The following DSTN variants were observed in gnomAD, a reference collection of about 807,000 sequenced individuals.
The protein encoded by DSTN is destrin.
DSTN carries 10 observed loss-of-function variants against 16.8 expected under a neutral mutation model. That is an observed-to-expected ratio of 0.60 (90% CI 0.37 to 1.01). The LOEUF (loss-of-function observed/expected upper bound fraction) is 1.01. DSTN is among the 50% of genes least tolerant of loss of function. The probability of loss-of-function intolerance (pLI) is 0.01; values close to 1 mark genes in which losing one functional copy is unlikely to be tolerated. For synonymous variants in DSTN, 57 were observed against 58.9 expected, an observed-to-expected ratio of 0.97 and a Z score of 0.14; for missense variants, 141 against 196.7, an observed-to-expected ratio of 0.72 and a Z score of 1.69.
intron 1 of DSTN, among the ~76,000 whole-genome samples, chr20:17,570,674 T>G (rs991407734): frequency 2.0e-5 from 3 of 152,236 alleles, no homozygotes; most frequent in Non-Finnish European, 2.9e-5. Flanking sequence ...TTGTGCGCGT[T>G]CCAGCCCTTG....
chr20:17,588,849 G>A (rs569524280), intron 1 of DSTN, among the ~76,000 whole-genome samples: 4 of 152,256 alleles, frequency 2.6e-5, no homozygotes, highest in Non-Finnish European at 5.9e-5. Flanking sequence ...CTAGAACAGT[G>A]GGACAAAGGA....
chr20:17,571,555 T>A (rs2035207537), intron 1 of DSTN, among the ~76,000 whole-genome samples: 1 of 152,200 alleles, frequency 6.6e-6, no homozygotes, highest in South Asian at 2.1e-4. Flanking sequence ...TTATTAGAAA[T>A]TTAATAACAT....
At chr20:17,586,848 T>C (rs1425374051) in intron 1 of DSTN, among the ~76,000 whole-genome samples, 1 of 152,206 alleles carries the variant, frequency 6.6e-6, no homozygotes, top group Admixed American at 6.5e-5. Context: ...ATAATTCACA[T>C]TTTACAGATG....
chr20:17,584,520 C>T (rs765609601), intron 1 of DSTN, among the ~76,000 whole-genome samples: 1 of 151,924 alleles, frequency 6.6e-6, no homozygotes, highest in Non-Finnish European at 1.5e-5. Context: ...GGCGTGTTGG[C>T]GCATGCCTGT....
At chr20:17,606,175 G>C (rs1326141230) in intron 3 of DSTN, among the ~76,000 whole-genome samples, 1 of 151,820 alleles carries the variant, frequency 6.6e-6, no homozygotes, top group Non-Finnish European at 1.5e-5. Flanking sequence ...GTCTTTCTCA[G>C]ATCAGTCCTG....
In DSTN at chr20:17,570,084, T is replaced by G; in HGVS notation, c.-125T>G. The G allele has an allele frequency of 7.0e-7, 1 of 1,421,802 alleles. No individual in the cohort carries two copies. The highest frequency in any genetic ancestry group is 9.3e-7 in the Non-Finnish European group (1 of 1,075,678). 88.1% of individuals were successfully genotyped at this position (1,421,802 alleles called of 1,614,324 possible). A position where few individuals can be genotyped will look rare whatever the true frequency, so the allele number is the denominator to read the frequency against. The stretch of plus-strand genomic sequence containing the variant: ...GTCCTGAGGCGCGCCCGCCCCGGGG[T>G]AAGCTCGCGCCGCCGCGTCAGCTCA... On this transcript the variant is annotated 5_prime_UTR_variant, in exon 1 of 4. Transcript: ENST00000246069.
At chr20:17,606,342 A>G (rs574062372) in intron 3 of DSTN, among the ~76,000 whole-genome samples, 1 of 152,208 alleles carries the variant, frequency 6.6e-6, no homozygotes, top group Non-Finnish European at 1.5e-5. Context: ...GCATTGTGGT[A>G]GTGTAATTGT....
At chr20:17,601,161 A>G in intron 2 of DSTN, 116 bp downstream of exon 2, 1 of 1,283,618 alleles carries the variant, frequency 7.8e-7, no homozygotes, top group Non-Finnish European at 1.0e-6. Flanking sequence ...TTGTCATTTA[A>G]TTTTTATTTA....
At chr20:17,596,475 T>C (rs1021700427) in intron 1 of DSTN, among the ~76,000 whole-genome samples, 1 of 152,244 alleles carries the variant, frequency 6.6e-6, no homozygotes, top group African/African-American at 2.4e-5. Flanking sequence ...GTCTAGTCAC[T>C]AATCGAGAGA....
At chr20:17,571,297 G>A (rs929142171) in intron 1 of DSTN, among the ~76,000 whole-genome samples, 8 of 152,236 alleles carry the variant, frequency 5.3e-5, no homozygotes, top group Non-Finnish European at 1.2e-4. Flanking sequence ...CTGTCTAGAA[G>A]CAGTTGGTAC....
Position 17,607,191 on chromosome 20 carries a change from C to A in DSTN, c.*45C>A. The A allele has an allele frequency of 2.6e-6, 4 of 1,563,376 alleles. No individual in the cohort carries two copies. The highest frequency in any genetic ancestry group is 3.5e-6 in the Non-Finnish European group (4 of 1,142,758). On this transcript the variant is annotated 3_prime_UTR_variant, in exon 4 of 4. Coordinates refer to ENST00000246069, the MANE Select transcript of DSTN (RefSeq NM_006870.4). ...TGAAAGCTTCCATGTTTAATGTTAT[C>A]CTCTTGCTATATAAATAAAGCAAAT... is the stretch of plus-strand genomic sequence containing the variant.
At chr20:17,587,629 A>T (rs2035425724) in intron 1 of DSTN, among the ~76,000 whole-genome samples, 2 of 152,016 alleles carry the variant, frequency 1.3e-5, no homozygotes, top group Non-Finnish European at 2.9e-5. Flanking sequence ...CCTTGGAGGC[A>T]TTATTCTTTT....
chr20:17,581,858 G>A (rs1409233510), intron 1 of DSTN, among the ~76,000 whole-genome samples: 1 of 152,128 alleles, frequency 6.6e-6, no homozygotes, highest in African/African-American at 2.4e-5. Context: ...TATAAAAGTA[G>A]TATATATTCA....
chr20:17,589,883 A>T (rs75835288), intron 1 of DSTN, among the ~76,000 whole-genome samples: 3,590 of 152,206 alleles, frequency 0.024, 114 homozygotes, highest in African/African-American at 0.069. Flanking sequence ...TTAGAAAAAA[A>T]TTTTTTAATT....
intron 2 of DSTN, among the ~76,000 whole-genome samples, chr20:17,602,055 G>T (rs2035593354): frequency 6.6e-6 from 1 of 152,060 alleles, no homozygotes; most frequent in African/African-American, 2.4e-5. Context: ...AGTGTAAAAG[G>T]GATATGGGAG....
At chr20:17,582,076 CA>C (rs1221368859) in intron 1 of DSTN, among the ~76,000 whole-genome samples, 2 of 127,194 alleles carry the variant, frequency 1.6e-5, no homozygotes, top group South Asian at 2.5e-4. Flanking sequence ...ATGAAATATA[CA>C]TTTTTTTTTT....
chr20:17,577,963 A>G (rs1415998585), intron 1 of DSTN, among the ~76,000 whole-genome samples: 1 of 152,382 alleles, frequency 6.6e-6, no homozygotes, highest in African/African-American at 2.4e-5. Flanking sequence ...ATTAAATGAA[A>G]ATACAGTTCC....
chr20:17,570,470 G>A (rs1184514245), intron 1 of DSTN, among the ~76,000 whole-genome samples: 1 of 152,240 alleles, frequency 6.6e-6, no homozygotes, highest in Non-Finnish European at 1.5e-5. Flanking sequence ...CGCCCTGAGC[G>A]TGGCCTCTGC....
chr20:17,595,456 G>A (rs1039230325), intron 1 of DSTN, among the ~76,000 whole-genome samples: 1 of 151,966 alleles, frequency 6.6e-6, no homozygotes, highest in Non-Finnish European at 1.5e-5. Context: ...TCCCATCTGT[G>A]CTGTGGATCT....
Sources: gnomAD v4.1 joint callset for allele counts (sites outside exome capture counted in the v4.1 genomes callset) on GRCh38, gnomAD v4.1.1 for gene constraint, MANE v1.5 for transcripts, NCBI Gene and HGNC (gene_info 2026-07-23, HGNC 2026-07-21) for gene names.